Variants in EYS observed in about 807,000 individuals in gnomAD.
EYS encodes the protein EGF-like photoreceptor maintenance factor.
A neutral mutation model predicts 282.1 loss-of-function variants in EYS; 250 were observed. The observed-to-expected ratio is 0.89, with a 90% confidence interval of 0.80 to 0.98. EYS has a LOEUF of 0.98. Ranked by LOEUF, EYS falls within the 50% of genes least tolerant of loss-of-function variation. The pLI, the probability that EYS is intolerant of heterozygous loss-of-function variation, is 0.00. For missense variants in EYS, 4,016 were observed against 3,709.0 expected, an observed-to-expected ratio of 1.08 and a Z score of -2.15; for synonymous variants, 1,355 against 1,282.9, an observed-to-expected ratio of 1.06 and a Z score of -1.20.
intron 29 of EYS, among the ~76,000 whole-genome samples, chr6:64,336,035 A>C (rs190259669): frequency 1.1e-4 from 16 of 152,268 alleles, no homozygotes; most frequent in Non-Finnish European, 1.2e-4. Flanking sequence ...TTTAAAGCAT[A>C]AATCACACAT....
intron 1 of EYS, among the ~76,000 whole-genome samples, chr6:65,641,941 G>T (rs1167390687): frequency 1.3e-5 from 2 of 152,076 alleles, no homozygotes; most frequent in Non-Finnish European, 2.9e-5. Flanking sequence ...TCCACGAAAA[G>T]ATTTAGAAAC....
At chr6:65,238,120 G>A (rs1292679433) in intron 12 of EYS, among the ~76,000 whole-genome samples, 1 of 151,618 alleles carries the variant, frequency 6.6e-6, no homozygotes, top group Non-Finnish European at 1.5e-5. Flanking sequence ...GTCTAACAAT[G>A]TGAATACTAT....
chr6:64,092,480 A>T (rs1244553843), intron 31 of EYS, among the ~76,000 whole-genome samples: 1 of 151,746 alleles, frequency 6.6e-6, no homozygotes, highest in African/African-American at 2.4e-5. Context: ...TGTGGTTTTG[A>T]TTTGCATTTC....
At chr6:64,919,151 A>G (rs1489043031) in intron 15 of EYS, among the ~76,000 whole-genome samples, 2 of 151,950 alleles carry the variant, frequency 1.3e-5, no homozygotes, top group Non-Finnish European at 2.9e-5. Flanking sequence ...ATAGATAGTA[A>G]GCAAACCTTT....
At chr6:63,803,090 G>A (rs557479522) in intron 37 of EYS, among the ~76,000 whole-genome samples, 14 of 152,244 alleles carry the variant, frequency 9.2e-5, no homozygotes, top group Admixed American at 6.5e-4. Flanking sequence ...TGGTAGATGC[G>A]TACTAAAGGG....
chr6:65,559,692 T>G (rs1768958925), intron 2 of EYS, among the ~76,000 whole-genome samples: 1 of 152,150 alleles, frequency 6.6e-6, no homozygotes, highest in South Asian at 2.1e-4. Flanking sequence ...TCTGAATAAT[T>G]ATCATTTAAA....
chr6:65,079,114 G>A (rs895565061), intron 12 of EYS, among the ~76,000 whole-genome samples: 1 of 151,970 alleles, frequency 6.6e-6, no homozygotes, highest in African/African-American at 2.4e-5. Context: ...TGCAAGAATA[G>A]CCTATTACAA....
At chr6:63,900,812 C>T (rs114084259) in intron 35 of EYS, among the ~76,000 whole-genome samples, 1,734 of 151,954 alleles carry the variant, frequency 0.011, 36 homozygotes, top group African/African-American at 0.04. Context: ...AAAAATAAAA[C>T]AACAACTGAA....
chr6:64,631,572 C>T (rs186529079), intron 22 of EYS: 1 of 152,176 alleles, frequency 6.6e-6, no homozygotes, highest in Non-Finnish European at 1.5e-5. Flanking sequence ...TTATTTTCTT[C>T]ACTTGTTTCT....
In EYS at chr6:64,593,102, C is replaced by T. The variant is rs1179872325; in HGVS notation, c.3877+15G>A. 1.4e-6 allele frequency: 2 copies of T among 1,469,734 alleles called. No homozygotes were observed. Among genetic ancestry groups the T allele is most frequent in the Non-Finnish European group, 1.8e-6 (2 of 1,110,604 alleles). The allele number at this position is 1,469,734 out of a possible 1,614,324, so 91.0% of individuals were successfully genotyped here. ...CAAACTCAAACTTCTTAATATCTTA[C>T]CCACTTCTACTTACCTTGATCAACT... On this transcript the variant is annotated intron_variant, in intron 25 of 42. Transcript: ENST00000503581.
chr6:64,366,063 T>C (rs1041522896), intron 29 of EYS, among the ~76,000 whole-genome samples: 1 of 152,122 alleles, frequency 6.6e-6, no homozygotes, highest in Non-Finnish European at 1.5e-5. Context: ...TAAGGTTTTG[T>C]AGATCACATA....
intron 26 of EYS, among the ~76,000 whole-genome samples, chr6:64,539,914 G>C (rs757618433): frequency 6.0e-4 from 92 of 152,136 alleles, no homozygotes; most frequent in Non-Finnish European, 1.1e-3. Context: ...CTTTGGCCTT[G>C]GAAGCATTTT....
intron 23 of EYS, among the ~76,000 whole-genome samples, chr6:64,619,799 G>A (rs114324740): frequency 0.022 from 3,368 of 151,900 alleles, 58 homozygotes; most frequent in Non-Finnish European, 0.034. Flanking sequence ...CTCAGCCCCC[G>A]GAGTACAGGA....
At chr6:64,247,473 G>A (rs1435647963) in intron 30 of EYS, among the ~76,000 whole-genome samples, 5 of 151,952 alleles carry the variant, frequency 3.3e-5, no homozygotes, top group South Asian at 2.1e-4. Flanking sequence ...TAGACCAAAC[G>A]AAAAGCCAAG....
chr6:65,007,237 T>G lies in EYS; in HGVS notation c.2138-9534A>C, dbSNP rs1269236761. Among the ~76,000 whole-genome samples the G allele has an allele frequency of 3.9e-5, 6 of 152,258 alleles. No individual in the cohort carries two copies. The South Asian group carries it at 1.2e-3, about 32-fold the overall frequency. ...ACCATAGAGGATGCTCTAGGACTAA[T>G]GCTCATCGGAAAATGACTAGGGGTG... is the stretch of plus-strand genomic sequence containing the variant. On this transcript the variant is annotated intron_variant, in intron 13 of 42. Transcript: ENST00000503581.
At chr6:65,017,997 C>G (rs777942257) in intron 13 of EYS, among the ~76,000 whole-genome samples, 1 of 152,168 alleles carries the variant, frequency 6.6e-6, no homozygotes, top group Non-Finnish European at 1.5e-5. Flanking sequence ...AGCCAATAAA[C>G]TCAAGTTTGT....
At chr6:64,844,202 C>T (rs1765649909) in intron 19 of EYS, among the ~76,000 whole-genome samples, 1 of 151,810 alleles carries the variant, frequency 6.6e-6, no homozygotes, top group East Asian at 1.9e-4. Flanking sequence ...TACTTCATCT[C>T]TCCATATTAA....
At chr6:64,917,670 A>C (rs1186779092) in intron 15 of EYS, among the ~76,000 whole-genome samples, 1 of 152,140 alleles carries the variant, frequency 6.6e-6, no homozygotes, top group Admixed American at 6.5e-5. Flanking sequence ...TGCACTTAAA[A>C]TTTTTTAAGA....
chr6:65,389,537 A>G (rs1765928566), intron 7 of EYS, among the ~76,000 whole-genome samples: 1 of 152,140 alleles, frequency 6.6e-6, no homozygotes, highest in Admixed American at 6.6e-5. Context: ...GAGGGAGGCT[A>G]TTGAAATGTT....
Sources: allele counts gnomAD v4.1 joint callset (sites outside exome capture counted in the v4.1 genomes callset), GRCh38; gene constraint gnomAD v4.1.1; transcripts MANE v1.5; gene names NCBI Gene and HGNC (gene_info 2026-07-23, HGNC 2026-07-21).